FER1L6: variants seen among roughly 807,000 people sequenced by gnomAD.
FER1L6 encodes fer-1 like family member 6.
Under a neutral mutation model 219.2 loss-of-function variants are expected in FER1L6, and 177 were observed. The ratio of observed to expected loss-of-function variants is 0.81; its 90% CI spans 0.71 to 0.91. FER1L6 has a LOEUF of 0.91. Among genes scored for constraint, FER1L6 ranks in the 40% least tolerant of loss-of-function variants. The pLI, the probability that FER1L6 is intolerant of heterozygous loss-of-function variation, is 0.00. For missense variants in FER1L6, 2,153 were observed against 2,259.9 expected, an observed-to-expected ratio of 0.95 and a Z score of 0.96; for synonymous variants, 768 against 824.3, an observed-to-expected ratio of 0.93 and a Z score of 1.17.
intron 1 of FER1L6, among the ~76,000 whole-genome samples, chr8:123,934,231 C>G (rs1416776028): frequency 6.6e-6 from 1 of 152,150 alleles, no homozygotes; most frequent in Non-Finnish European, 1.5e-5. Flanking sequence ...TGTTGATACT[C>G]TTGATGCAGT....
rs141879706 is a variant in FER1L6, at chr8:123,966,049, C to T, written c.240C>T (p.Ser80=). The T allele has an allele frequency of 1.9e-6, 3 of 1,613,578 alleles. No homozygotes were observed. In the African/African-American group the frequency reaches 4.0e-5, roughly 22 times the overall value. ...AGATCCATGATGGGGAGGTCAGATC[C>T]CAAAATTATCAAGTAAGTGATTGGC... The part of the protein sequence containing the change: ...LTKIHDGEVR[S]QNYQIAITIT... The change falls in exon 4 of 41, where the codon TCC becomes TCT. Residue 80 remains serine, a synonymous_variant. Coordinates refer to ENST00000522917, the MANE Select transcript of FER1L6 (RefSeq NM_001039112.2).
At chr8:123,910,947 A>G (rs563518220) in intron 1 of FER1L6, among the ~76,000 whole-genome samples, 121 of 152,294 alleles carry the variant, frequency 7.9e-4, no homozygotes, top group African/African-American at 2.8e-3. Context: ...TCCAGGTCCT[A>G]TGACTTCCTA....
At chr8:123,902,817 C>G (rs1292874623) in intron 1 of FER1L6, among the ~76,000 whole-genome samples, 2 of 152,168 alleles carry the variant, frequency 1.3e-5, no homozygotes, top group African/African-American at 4.8e-5. Context: ...CTCTTGCTTT[C>G]ATCGTGCTCT....
Position 124,013,541 on chromosome 8 carries a change from G to A in FER1L6, c.1922+10G>A. On this transcript the variant is annotated intron_variant, in intron 15 of 40. Transcript: ENST00000522917. ...TCATCAGTCGGAGCAGGTACCGGGAGAGACAGCCGGCATAGGCGGAGCTGA... is the reference window on the plus strand; with the variant it reads ...TCATCAGTCGGAGCAGGTACCGGGAAAGACAGCCGGCATAGGCGGAGCTGA... 1 of 1,575,322 alleles carries A rather than the reference G, an allele frequency of 6.3e-7. No individual in the cohort carries two copies. Among genetic ancestry groups the A allele is most frequent in the Non-Finnish European group, 8.6e-7 (1 of 1,163,262 alleles).
intron 21 of FER1L6, 71 bp from the exon 22 acceptor site, chr8:124,049,536 T>A (rs1331986577): frequency 1.3e-6 from 2 of 1,516,074 alleles, no homozygotes; most frequent in Non-Finnish European, 1.8e-6. Context: ...GTGGAGGTGA[T>A]GGCATTGATG....
At chr8:123,893,504 C>T (rs986431406) in intron 1 of FER1L6, among the ~76,000 whole-genome samples, 7 of 152,156 alleles carry the variant, frequency 4.6e-5, no homozygotes, top group Non-Finnish European at 1.0e-4. Context: ...ATTGAGTAGA[C>T]AGTATACATA....
At chr8:124,064,691 T>C (rs1326491155) in intron 26 of FER1L6, 118 bp downstream of exon 26, 1 of 845,158 alleles carries the variant, frequency 1.2e-6, no homozygotes, top group African/African-American at 1.7e-5. Context: ...CATTTCTGAG[T>C]ATCGGTTCAT....
chr8:124,049,916 A>G (rs1819928735), intron 22 of FER1L6, among the ~76,000 whole-genome samples, 160 bp downstream of exon 22: 1 of 152,230 alleles, frequency 6.6e-6, no homozygotes, highest in South Asian at 2.1e-4. Flanking sequence ...TTAAGAACTC[A>G]GGTGACTTGG....
intron 26 of FER1L6, among the ~76,000 whole-genome samples, chr8:124,065,514 G>A (rs930275692): frequency 6.6e-6 from 1 of 151,962 alleles, no homozygotes; most frequent in Non-Finnish European, 1.5e-5. Flanking sequence ...ACATTTGCAC[G>A]GGCTGCTCTC....
intron 28 of FER1L6, among the ~76,000 whole-genome samples, chr8:124,068,589 A>C (rs1446791345): frequency 6.6e-6 from 1 of 152,212 alleles, no homozygotes; most frequent in East Asian, 1.9e-4. Context: ...CCTCATATTG[A>C]ACTAGATGTA....
chr8:123,887,417 C>T (rs535251887), intron 1 of FER1L6, among the ~76,000 whole-genome samples: 47 of 152,252 alleles, frequency 3.1e-4, no homozygotes, highest in African/African-American at 1.1e-3. Context: ...AAAAGCTGCC[C>T]ATTTAATCTT....
intron 32 of FER1L6, among the ~76,000 whole-genome samples, chr8:124,076,575 TTTTTTC>T (rs1392423886): frequency 2.6e-5 from 4 of 152,154 alleles, no homozygotes; most frequent in African/African-American, 7.2e-5. Flanking sequence ...TTACTGTAAT[TTTTTTC>T]TTTTTCTTTT....
chr8:124,097,886 A>T lies in FER1L6; in HGVS notation c.4883+3A>T. 6.7e-7 allele frequency: 1 copy of T among 1,488,210 alleles called. No homozygotes were observed. Among genetic ancestry groups the T allele is most frequent in the Non-Finnish European group, 9.4e-7 (1 of 1,065,370 alleles). The allele number at this position is 1,488,210 out of a possible 1,614,324, so 92.2% of individuals were successfully genotyped here. A position where few individuals can be genotyped will look rare whatever the true frequency, so the allele number is the denominator to read the frequency against. ...TCAAGTGATATTTATGTGAAAGGGTAAGGTTATCAACAAACTCCAACCTCC... is the reference window on the plus strand; with the variant it reads ...TCAAGTGATATTTATGTGAAAGGGTTAGGTTATCAACAAACTCCAACCTCC... On this transcript the variant is annotated splice_donor_region_variant and intron_variant, in intron 37 of 40. Coordinates refer to ENST00000522917, the MANE Select transcript of FER1L6 (RefSeq NM_001039112.2).
chr8:124,055,974 T>C (rs2130805026), intron 22 of FER1L6, among the ~76,000 whole-genome samples: 1 of 152,102 alleles, frequency 6.6e-6, no homozygotes, highest in African/African-American at 2.4e-5. Context: ...ATTGTCTCTT[T>C]CTCCCCCGAG....
chr8:123,910,026 TTTG>T (rs1813024666), intron 1 of FER1L6, among the ~76,000 whole-genome samples: 1 of 152,190 alleles, frequency 6.6e-6, no homozygotes, highest in Admixed American at 6.5e-5. Flanking sequence ...AAAAATTTAC[TTTG>T]TTGTTGTTAG....
chr8:124,114,882 AGTGT>A (rs1384171506), intron 39 of FER1L6, among the ~76,000 whole-genome samples: 5 of 118,914 alleles, frequency 4.2e-5, no homozygotes, highest in South Asian at 5.8e-4. Context: ...ATATATATGC[AGTGT>A]GTGTGTGCGT....
At chr8:123,910,582 T>A (rs1329111466) in intron 1 of FER1L6, among the ~76,000 whole-genome samples, 1 of 151,974 alleles carries the variant, frequency 6.6e-6, no homozygotes, top group South Asian at 2.1e-4. Context: ...AGTTAGCTCT[T>A]TTTTTTTGCG....
rs573789736 is a variant in FER1L6, at chr8:124,049,872, C to T, written c.2874+116C>T. ...CTGATCCCTCGCTGCAATCCCACAT[C>T]TGAATGTGTCTCCTGGGGACCTGAG... On this transcript the variant is annotated intron_variant, in intron 22 of 40. Transcript: ENST00000522917. The T allele has an allele frequency of 2.0e-4, 203 of 1,039,632 alleles. 1 individual carries two copies. In the African/African-American group the frequency reaches 3.0e-3, roughly 15 times the overall value. The allele number at this position is 1,039,632 out of a possible 1,614,324, so 64.4% of individuals were successfully genotyped here.
At chr8:124,055,323 T>C (rs886488033) in intron 22 of FER1L6, among the ~76,000 whole-genome samples, 5 of 151,904 alleles carry the variant, frequency 3.3e-5, no homozygotes, top group African/African-American at 1.2e-4. Context: ...TGCAGTGAAC[T>C]ATGATCATGC....
Sources: allele counts gnomAD v4.1 joint callset (sites outside exome capture counted in the v4.1 genomes callset), GRCh38; gene constraint gnomAD v4.1.1; transcripts MANE v1.5; gene names NCBI Gene and HGNC (gene_info 2026-07-23, HGNC 2026-07-21).